Variants in COL6A3 observed in about 807,000 individuals in gnomAD.
The protein encoded by COL6A3 is collagen alpha-3(VI) chain.
In COL6A3, 137 loss-of-function variants were observed where a neutral mutation model predicts 274.1. The ratio of observed to expected loss-of-function variants is 0.50; its 90% CI spans 0.44 to 0.58. The LOEUF is 0.58. Among genes scored for constraint, COL6A3 ranks in the 20% least tolerant of loss-of-function variants. COL6A3 has a pLI of 0.00. For missense variants in COL6A3, 3,950 were observed against 4,124.9 expected, an observed-to-expected ratio of 0.96 and a Z score of 1.16; for synonymous variants, 1,650 against 1,650.6, an observed-to-expected ratio of 1.00 and a Z score of 0.01.
intron 1 of COL6A3, among the ~76,000 whole-genome samples, chr2:237,406,658 C>A (rs7564349): frequency 3.3e-5 from 5 of 151,082 alleles, no homozygotes; most frequent in Non-Finnish European, 5.9e-5. Flanking sequence ...TCTTTTTGCA[C>A]GAATCCTGGG....
intron 4 of COL6A3, among the ~76,000 whole-genome samples, chr2:237,383,009 G>A (rs1211566935): frequency 6.6e-6 from 1 of 152,140 alleles, no homozygotes; most frequent in African/African-American, 2.4e-5. Context: ...ATGCTGGTCA[G>A]GCTGGTCTCA....
At chr2:237,386,718 G>A (rs999942553) in intron 4 of COL6A3, 2 of 152,192 alleles carry the variant, frequency 1.3e-5, no homozygotes, top group East Asian at 3.8e-4. Flanking sequence ...GGAAACTGTT[G>A]GGGGCCACTG....
intron 1 of COL6A3, among the ~76,000 whole-genome samples, chr2:237,401,270 CAAAG>C (rs1436173336): frequency 6.6e-6 from 1 of 152,148 alleles, no homozygotes; most frequent in Non-Finnish European, 1.5e-5. Context: ...AACAGGATCT[CAAAG>C]ATATATGTGC....
rs113721676 is a variant in COL6A3 at position 237,334,885 on chromosome 2, C to T, written c.8970G>A (p.Lys2990=). Residue 2990 remains lysine, a synonymous_variant, in exon 41 of 44, where the codon AAG becomes AAA. Transcript: ENST00000295550. The part of the protein sequence containing the change: ...TKPATTKPMV[K]MSREVQVFEI... ...CAAACACCTGGACTTCACGGGACAT[C>T]TTAACTGAAAGATAGATCAGAGCGT... 115 of 1,614,012 alleles carry T rather than the reference C, an allele frequency of 7.1e-5. No individual in the cohort carries two copies. In the Middle Eastern group the frequency reaches 1.2e-3, roughly 16 times the overall value.
intron 39 of COL6A3, among the ~76,000 whole-genome samples, chr2:237,338,697 G>A (rs1482259656): frequency 6.6e-6 from 1 of 152,192 alleles, no homozygotes; most frequent in Non-Finnish European, 1.5e-5. Context: ...GAATCCAGGA[G>A]GCAGAGGTTA....
At chr2:237,330,478 G>C (rs1700172230) in intron 42 of COL6A3, among the ~76,000 whole-genome samples, 1 of 152,122 alleles carries the variant, frequency 6.6e-6, no homozygotes, top group Admixed American at 6.5e-5. Context: ...TGTTTTTGTG[G>C]GGGTTCATTT....
At chr2:237,354,966 G>A (rs2077286960) in intron 23 of COL6A3, 32 bp from the exon 24 acceptor site, 2 of 1,609,256 alleles carry the variant, frequency 1.2e-6, no homozygotes, top group African/African-American at 1.3e-5. Context: ...AAACTGTGAG[G>A]GGGAGCATGG....
At position 237,395,119 on chromosome 2, in the gene COL6A3, T is replaced by G; in HGVS notation, c.177A>C (p.Arg59=). 1 of 1,614,046 alleles carries G rather than the reference T, an allele frequency of 6.2e-7. No individual in the cohort carries two copies. The highest frequency in any genetic ancestry group is 8.5e-7 in the Non-Finnish European group (1 of 1,180,020). ...ATTTTACAACATCATATAGAAACTC[T>G]CGAACAAGTTGGAAATGTTCCTCTC... ...TIGEEHFQLV[R]EFLYDVVKSL... Residue 59 remains arginine, a synonymous_variant, in exon 3 of 44, where the codon CGA becomes CGC. Coordinates refer to ENST00000295550, the MANE Select transcript of COL6A3 (RefSeq NM_004369.4).
chr2:237,361,096 A>G lies in COL6A3; in HGVS notation c.6210+25T>C, dbSNP rs781627686. The G allele has an allele frequency of 2.2e-5, 35 of 1,607,244 alleles. No individual in the cohort carries two copies. The highest frequency in any genetic ancestry group is 2.9e-5 in the Non-Finnish European group (34 of 1,173,926). On this transcript the variant is annotated intron_variant, in intron 16 of 43. Transcript: ENST00000295550. The surrounding 1 kb of genome is among the most constrained non-coding windows in gnomAD (Gnocchi z 5.1). ...AGGATCAAGGAGGGGGTGAAATTTT[A>G]GGGACTAAAACAATTTTTACTTACG...
chr2:237,372,451 A>T, intron 8 of COL6A3, 114 bp from the exon 9 acceptor site: 1 of 1,583,958 alleles, frequency 6.3e-7, no homozygotes. Flanking sequence ...AACACCAATC[A>T]CCACTGTTAA....
chr2:237,353,851 C>T (rs368310388), intron 24 of COL6A3, among the ~76,000 whole-genome samples: 8 of 152,182 alleles, frequency 5.3e-5, no homozygotes, highest in East Asian at 1.9e-4. Flanking sequence ...TTTAAGGAGA[C>T]GGCTGACAGA....
chr2:237,366,220 GGT>G (rs754187916), intron 11 of COL6A3, among the ~76,000 whole-genome samples, 185 bp from the exon 12 acceptor site: 3 of 152,112 alleles, frequency 2.0e-5, no homozygotes, highest in Non-Finnish European at 4.4e-5. Context: ...GAGAAATGAG[GGT>G]AGCTGTTAGG....
chr2:237,399,849 C>T (rs982116051), intron 1 of COL6A3, among the ~76,000 whole-genome samples: 31 of 152,326 alleles, frequency 2.0e-4, no homozygotes, highest in African/African-American at 7.5e-4. Flanking sequence ...GTAAGTGGGA[C>T]CCATGTCCCT....
At chr2:237,355,414 TA>T in intron 23 of COL6A3, 1 of 159,148 alleles carries the variant, frequency 6.3e-6, no homozygotes, top group African/African-American at 2.4e-5. Flanking sequence ...CTCGGTTAAG[TA>T]AAATATCTGA....
chr2:237,365,178 C>T (rs988053294), intron 12 of COL6A3, among the ~76,000 whole-genome samples: 1 of 149,408 alleles, frequency 6.7e-6, no homozygotes, highest in African/African-American at 2.5e-5. Flanking sequence ...GGAGAAGACC[C>T]CTGCCTACAA....
rs200592625 is a variant in COL6A3, at chr2:237,372,085, T to C, written c.3932A>G (p.Asn1311Ser). Residue 1311 changes from asparagine (N) to serine (S), a missense_variant, in exon 9 of 44, where the codon AAC (asparagine) becomes AGC (serine). Coordinates refer to ENST00000295550, the MANE Select transcript of COL6A3 (RefSeq NM_004369.4). ...RLRPKGGRQI[N>S]VGNALEYVSR... ...CACGTACTCCAGGGCATTGCCCACG[T>C]TGATCTGCCGCCCTCCCTTGGGCCT... The C allele has an allele frequency of 2.5e-5, 40 of 1,613,934 alleles. No homozygotes were observed. The highest frequency in any genetic ancestry group is 3.3e-4 in the Middle Eastern group (2 of 6,084).
rs751922269 is a variant in COL6A3 at position 237,336,454 on chromosome 2, C to T, written c.8646G>A (p.Pro2882=). The T allele has an allele frequency of 1.2e-5, 20 of 1,613,982 alleles. No homozygotes were observed. The highest frequency in any genetic ancestry group is 1.6e-4 in the Middle Eastern group (1 of 6,084). ...TTTKPVTTTK[P]VTTTTKPVTT... is the part of the protein sequence containing the mutation. ...TTACAGGCTTTGTTGTGGTGGTCAC[C>T]GGCTTCGTCGTAGTCACCGGCTTCG... The change falls in exon 40 of 44, where the codon CCG becomes CCA. Residue 2882 remains proline (P), a synonymous_variant. Coordinates refer to ENST00000295550, the MANE Select transcript of COL6A3 (RefSeq NM_004369.4).
At chr2:237,357,071 C>A in intron 23 of COL6A3, 1 of 565,152 alleles carries the variant, frequency 1.8e-6, no homozygotes, top group African/African-American at 1.9e-5. Flanking sequence ...TCAAACCTGG[C>A]CCGATATTTG....
chr2:237,394,765 A>C lies in COL6A3; in HGVS notation c.531T>G (p.Val177=). 1 of 1,614,166 alleles carries C rather than the reference A, an allele frequency of 6.2e-7. No homozygotes were observed. Residue 177 remains valine, a synonymous_variant, in exon 3 of 44, where the codon GTT becomes GTG. Coordinates refer to ENST00000295550, the MANE Select transcript of COL6A3 (RefSeq NM_004369.4). ...SADVNVFAIG[V]EDADEGALKE... is the part of the protein sequence containing the mutation. ...TTAACGCTCCTTCATCTGCATCCTC[A>C]ACTCCAATTGCAAACACGTTAACAT...
Sources: gnomAD v4.1 joint callset for allele counts (sites outside exome capture counted in the v4.1 genomes callset) on GRCh38, gnomAD v4.1.1 for gene constraint, Gnocchi (gnomAD v3.1) non-coding constraint, MANE v1.5 for transcripts, NCBI Gene and HGNC (gene_info 2026-07-23, HGNC 2026-07-21) for gene names.